The following WWOX variants were observed in gnomAD, a reference collection of about 807,000 sequenced individuals.
The protein encoded by WWOX is WW domain containing oxidoreductase.
Under a neutral mutation model 46.2 loss-of-function variants are expected in WWOX, and 69 were observed. The observed-to-expected ratio is 1.49, with a 90% CI of 1.23 to 1.82. The LOEUF is 1.82. Among genes scored for constraint, WWOX ranks in the 40% most tolerant of loss-of-function variants. The probability of loss-of-function intolerance (pLI) is 0.00; values close to 1 mark genes in which losing one functional copy is unlikely to be tolerated. For synonymous variants in WWOX, 359 were observed against 202.6 expected, an observed-to-expected ratio of 1.77 and a Z score of -6.56; for missense variants, 919 against 542.6, an observed-to-expected ratio of 1.69 and a Z score of -6.89.
chr16:78,605,332 A>G (rs1048432367), intron 8 of WWOX, among the ~76,000 whole-genome samples: 3 of 151,402 alleles, frequency 2.0e-5, no homozygotes, highest in South Asian at 2.1e-4. Flanking sequence ...TATATAATCA[A>G]TATTTAGTGA....
At chr16:79,182,050 G>A (rs377107055) in intron 8 of WWOX, among the ~76,000 whole-genome samples, 8 of 150,582 alleles carry the variant, frequency 5.3e-5, no homozygotes, top group African/African-American at 1.2e-4. Flanking sequence ...GAAGGGTACC[G>A]CAGGGGAACC....
intron 6 of WWOX, among the ~76,000 whole-genome samples, chr16:78,402,063 A>T (rs114930745): frequency 6.6e-6 from 1 of 152,206 alleles, no homozygotes; most frequent in African/African-American, 2.4e-5. Context: ...TTACGTTACC[A>T]TTACCACTTT....
intron 8 of WWOX, among the ~76,000 whole-genome samples, chr16:79,163,697 C>T (rs2050532119): frequency 6.7e-6 from 1 of 150,140 alleles, no homozygotes; most frequent in South Asian, 2.1e-4. Context: ...ACTTTTGAGG[C>T]TGAGGCAGGA....
At chr16:79,111,990 C>G (rs1016577954) in intron 8 of WWOX, among the ~76,000 whole-genome samples, 2 of 152,026 alleles carry the variant, frequency 1.3e-5, no homozygotes, top group South Asian at 2.1e-4. Flanking sequence ...AGCACCATCC[C>G]CAAACTCCAT....
At chr16:78,364,828 A>C (rs762919483) in intron 5 of WWOX, among the ~76,000 whole-genome samples, 1 of 152,164 alleles carries the variant, frequency 6.6e-6, no homozygotes, top group Non-Finnish European at 1.5e-5. Flanking sequence ...AGGAGGGAAC[A>C]AGGTGTTTTC....
chr16:78,830,378 T>C (rs2051785063), intron 8 of WWOX, among the ~76,000 whole-genome samples: 1 of 152,170 alleles, frequency 6.6e-6, no homozygotes, highest in South Asian at 2.1e-4. Flanking sequence ...GAGAAAGTAG[T>C]GCCGTATGGC....
intron 8 of WWOX, among the ~76,000 whole-genome samples, chr16:79,028,842 C>T (rs2047697406): frequency 6.6e-6 from 1 of 151,536 alleles, no homozygotes; most frequent in Non-Finnish European, 1.5e-5. Context: ...CAACCTATAT[C>T]ACAAAAGCAT....
chr16:78,680,779 C>T (rs775734934), intron 8 of WWOX, among the ~76,000 whole-genome samples: 92 of 152,210 alleles, frequency 6.0e-4, no homozygotes, highest in Non-Finnish European at 1.0e-3. Context: ...GAGCACTTAG[C>T]CCAGTGTTGG....
chr16:78,299,155 C>T (rs868647632), intron 5 of WWOX, among the ~76,000 whole-genome samples: 1 of 152,178 alleles, frequency 6.6e-6, no homozygotes, highest in Non-Finnish European at 1.5e-5. Context: ...AAGACTGACT[C>T]TCAGAACGGA....
At chr16:78,325,315 T>A (rs1320099027) in intron 5 of WWOX, among the ~76,000 whole-genome samples, 1 of 152,220 alleles carries the variant, frequency 6.6e-6, no homozygotes. Flanking sequence ...ATACTCAGAT[T>A]TATTTTGAAG....
intron 8 of WWOX, among the ~76,000 whole-genome samples, chr16:79,139,836 C>T (rs752964295): frequency 1.3e-5 from 2 of 152,188 alleles, no homozygotes; most frequent in Non-Finnish European, 2.9e-5. Flanking sequence ...GTGACAGTAT[C>T]TACTAAAACT....
chr16:78,439,904 G>A (rs899106437), intron 8 of WWOX, among the ~76,000 whole-genome samples: 2 of 152,198 alleles, frequency 1.3e-5, no homozygotes, highest in South Asian at 2.1e-4. Context: ...CAGATGGGAG[G>A]GATGAGGCTC....
chr16:78,433,751 CCCTTAA>C, intron 8 of WWOX, among the ~76,000 whole-genome samples: 1 of 151,528 alleles, frequency 6.6e-6, no homozygotes. Context: ...CCACCTGCCA[CCCTTAA>C]CCTTCGTATT....
intron 8 of WWOX, among the ~76,000 whole-genome samples, chr16:78,670,772 A>G (rs115758191): frequency 0.015 from 2,311 of 152,168 alleles, 56 homozygotes; most frequent in African/African-American, 0.052. Flanking sequence ...TTGACCTCCT[A>G]AAGTGCTGGG....
intron 6 of WWOX, among the ~76,000 whole-genome samples, chr16:78,418,721 C>T (rs576821108): frequency 5.9e-5 from 9 of 152,126 alleles, no homozygotes; most frequent in Admixed American, 5.9e-4. Flanking sequence ...TACATAAAAA[C>T]ATGTTTTAAA....
rs549842463 is a variant in WWOX at position 78,243,212 on chromosome 16, T to C, written c.516+78923T>C. Among the ~76,000 whole-genome samples, 4 of 152,320 alleles carry C rather than the reference T, an allele frequency of 2.6e-5. No individual in the cohort carries two copies. In the South Asian group the frequency reaches 8.3e-4, roughly 32 times the overall value. On this transcript the variant is annotated intron_variant, in intron 5 of 8. Coordinates refer to ENST00000566780, the MANE Select transcript of WWOX (RefSeq NM_016373.4). ...GTTCTATAGTAATACACGTTTCTTC[T>C]ATAGTACATTAAATCACAAGAGGTA...
intron 8 of WWOX, among the ~76,000 whole-genome samples, chr16:78,775,150 A>G (rs1332399506): frequency 1.3e-5 from 2 of 152,126 alleles, no homozygotes; most frequent in Non-Finnish European, 2.9e-5. Flanking sequence ...GGTTCCTGAA[A>G]TACCTCAATT....
At chr16:78,497,539 A>AAGAG (rs10685838) in intron 8 of WWOX, among the ~76,000 whole-genome samples, 112,581 of 151,918 alleles carry the variant, frequency 0.74, 44,117 homozygotes, top group Admixed American at 0.86. Flanking sequence ...ATCCTACAGA[A>AAGAG]AGAGAATATT....
intron 5 of WWOX, among the ~76,000 whole-genome samples, chr16:78,213,725 C>T (rs997874012): frequency 6.6e-6 from 1 of 152,004 alleles, no homozygotes; most frequent in African/African-American, 2.4e-5. Flanking sequence ...ATGACAAATA[C>T]CAGGGAGATG....
Sources: gnomAD v4.1 joint callset for allele counts (sites outside exome capture counted in the v4.1 genomes callset) on GRCh38, gnomAD v4.1.1 for gene constraint, MANE v1.5 for transcripts, NCBI Gene and HGNC (gene_info 2026-07-23, HGNC 2026-07-21) for gene names.